The following COG5 variants were observed in gnomAD, a reference collection of about 807,000 sequenced individuals.
COG5 encodes the protein conserved oligomeric Golgi complex subunit 5.
Under a neutral mutation model 110.4 loss-of-function variants are expected in COG5, and 86 were observed. The observed-to-expected ratio is 0.78, with a 90% CI of 0.65 to 0.93. The LOEUF is 0.93. Ranked by LOEUF, COG5 falls within the 40% of genes least tolerant of loss-of-function variation. COG5 has a pLI of 0.00. For missense variants in COG5, 1,077 were observed against 987.0 expected (o/e 1.09, Z -1.22); for synonymous variants, 360 against 334.6 (o/e 1.08, Z -0.83).
chr7:107,512,871 C>A (rs1799631187), intron 6 of COG5, among the ~76,000 whole-genome samples: 2 of 151,136 alleles, frequency 1.3e-5, no homozygotes, highest in Non-Finnish European at 3.0e-5. Flanking sequence ...TGGATCCCTT[C>A]CTTACACCTT....
intron 7 of COG5, among the ~76,000 whole-genome samples, chr7:107,408,607 C>G (rs562718194): frequency 8.5e-5 from 13 of 152,314 alleles, no homozygotes; most frequent in African/African-American, 3.1e-4. Flanking sequence ...AGAGGCTGTA[C>G]TTTTCCTACT....
intron 11 of COG5, among the ~76,000 whole-genome samples, chr7:107,311,415 C>T (rs549018875): frequency 4.9e-5 from 5 of 102,028 alleles, no homozygotes; most frequent in Admixed American, 1.6e-4. Flanking sequence ...GAGACGGAGT[C>T]TCGCTCTGTC....
chr7:107,262,548 G>A (rs1803440239), intron 14 of COG5, among the ~76,000 whole-genome samples: 1 of 152,108 alleles, frequency 6.6e-6, no homozygotes, highest in African/African-American at 2.4e-5. Flanking sequence ...GCCTGAGTGT[G>A]AGAAGCTGAA....
chr7:107,228,740 T>C (rs1490527697), intron 19 of COG5, among the ~76,000 whole-genome samples: 2 of 151,592 alleles, frequency 1.3e-5, no homozygotes, highest in African/African-American at 4.9e-5. Flanking sequence ...ATCTTTCATT[T>C]GAGAAAAAAT....
At chr7:107,263,447 T>C (rs1218571936) in intron 14 of COG5, among the ~76,000 whole-genome samples, 1 of 152,182 alleles carries the variant, frequency 6.6e-6, no homozygotes, top group Admixed American at 6.5e-5. Flanking sequence ...AGATTCAACA[T>C]TGTAAAATAG....
At chr7:107,458,688 T>C (rs1795808512) in intron 6 of COG5, among the ~76,000 whole-genome samples, 1 of 152,042 alleles carries the variant, frequency 6.6e-6, no homozygotes, top group African/African-American at 2.4e-5. Context: ...CAAGATTCCA[T>C]CTCTACAAAA....
chr7:107,347,552 T>C (rs2129039406), intron 10 of COG5, among the ~76,000 whole-genome samples: 1 of 152,278 alleles, frequency 6.6e-6, no homozygotes, highest in East Asian at 1.9e-4. Flanking sequence ...AATAATACAT[T>C]ATATAGTTTT....
chr7:107,441,576 C>T (rs1255024023), intron 6 of COG5, among the ~76,000 whole-genome samples: 1 of 152,216 alleles, frequency 6.6e-6, no homozygotes, highest in Non-Finnish European at 1.5e-5. Flanking sequence ...ATTCCCCTGA[C>T]TCCAAGTGTA....
At chr7:107,271,955 A>G (rs1193847833) in intron 14 of COG5, among the ~76,000 whole-genome samples, 2 of 152,016 alleles carry the variant, frequency 1.3e-5, no homozygotes, top group Non-Finnish European at 1.5e-5. Flanking sequence ...AGTTTGAAAT[A>G]TTTTTTTAAA....
chr7:107,217,865 G>C (rs1396884523), intron 19 of COG5, among the ~76,000 whole-genome samples: 1 of 151,990 alleles, frequency 6.6e-6, no homozygotes. Context: ...GTCTTTGTCA[G>C]AGCAATTAGG....
chr7:107,387,722 C>G (rs1790312666), intron 7 of COG5, among the ~76,000 whole-genome samples: 2 of 152,226 alleles, frequency 1.3e-5, no homozygotes, highest in South Asian at 4.1e-4. Context: ...CCACATAACT[C>G]AATCACTCGA....
chr7:107,219,113 A>T (rs571656730), intron 19 of COG5, among the ~76,000 whole-genome samples: 35 of 152,208 alleles, frequency 2.3e-4, no homozygotes, highest in African/African-American at 7.7e-4. Context: ...ACTAATCATA[A>T]GGAAAATGCA....
At position 107,209,807 on chromosome 7, in the gene COG5, A is replaced by G. The variant is rs2283039; in HGVS notation, c.2375+719T>C. 2,671 of 984,940 alleles carry G rather than the reference A, an allele frequency of 2.7e-3. 20 individuals carry two copies. The East Asian group carries it at 0.028, about 10-fold the overall frequency. The allele number at this position is 984,940 out of a possible 1,614,324, so 61.0% of individuals were successfully genotyped here. On this transcript the variant is annotated intron_variant, in intron 21 of 21. Transcript: ENST00000297135. ...CATCAATAAAAATGTGCTGAGTCCC[A>G]GTTTATGAGTTTACAGAAGGAAATG... is the stretch of plus-strand genomic sequence containing the variant.
chr7:107,541,333 C>T (rs13223198), intron 5 of COG5, among the ~76,000 whole-genome samples: 1 of 148,838 alleles, frequency 6.7e-6, no homozygotes, highest in Non-Finnish European at 1.5e-5. Flanking sequence ...CCGGTCTCTA[C>T]AAAAAATACA....
At chr7:107,247,859 T>C (rs908629169) in intron 17 of COG5, among the ~76,000 whole-genome samples, 8 of 152,170 alleles carry the variant, frequency 5.3e-5, no homozygotes, top group Non-Finnish European at 1.0e-4. Context: ...GATTAGATTG[T>C]CACATAACCT....
chr7:107,546,553 A>G (rs927772738), intron 5 of COG5, among the ~76,000 whole-genome samples: 3 of 149,706 alleles, frequency 2.0e-5, no homozygotes, highest in African/African-American at 7.4e-5. Flanking sequence ...CTTCTGCCTC[A>G]GCCTCCCGAG....
chr7:107,241,428 C>A (rs938282570), intron 17 of COG5, among the ~76,000 whole-genome samples: 19 of 144,820 alleles, frequency 1.3e-4, no homozygotes, highest in Non-Finnish European at 2.3e-4. Flanking sequence ...ATCTATCTAT[C>A]TATATATATA....
chr7:107,292,999 T>C (rs557268726), intron 12 of COG5, among the ~76,000 whole-genome samples: 1 of 152,092 alleles, frequency 6.6e-6, no homozygotes, highest in Non-Finnish European at 1.5e-5. Context: ...AATAAAAAAC[T>C]CTCCTCCTCT....
intron 18 of COG5, 95 bp downstream of exon 18, chr7:107,236,355 A>G (rs1410250554): frequency 2.1e-6 from 2 of 946,700 alleles, no homozygotes; most frequent in Non-Finnish European, 3.5e-6. Flanking sequence ...TTGTGCTGCA[A>G]CTCTTTAAAA....
Sources: gnomAD v4.1 joint callset for allele counts (sites outside exome capture counted in the v4.1 genomes callset) on GRCh38, gnomAD v4.1.1 for gene constraint, MANE v1.5 for transcripts, NCBI Gene and HGNC (gene_info 2026-07-23, HGNC 2026-07-21) for gene names.